Variants in FAM89A observed in about 807,000 individuals in gnomAD.
The protein encoded by FAM89A is family with sequence similarity 89 member A, also known as protein FAM89A.
Under a neutral mutation model 7.1 loss-of-function variants are expected in FAM89A, and 10 were observed. The ratio of observed to expected loss-of-function variants is 1.40; its 90% CI spans 0.86 to 2.38. The LOEUF is 2.38. Ranked by LOEUF, FAM89A falls within the 30% of genes most tolerant of loss-of-function variation. The pLI, the probability that FAM89A is intolerant of heterozygous loss-of-function variation, is 0.00. For missense variants in FAM89A, 276 were observed against 262.8 expected, an observed-to-expected ratio of 1.05 and a Z score of -0.35; for synonymous variants, 157 against 129.3, an observed-to-expected ratio of 1.21 and a Z score of -1.45.
chr1:231,035,907 A>C (rs141471479), intron 1 of FAM89A, among the ~76,000 whole-genome samples: 2 of 152,346 alleles, frequency 1.3e-5, no homozygotes, highest in African/African-American at 4.8e-5. Flanking sequence ...ATTAAAATAC[A>C]ATCTTGTCCT....
rs1372765813 is a variant in FAM89A at position 231,026,901 on chromosome 1, GGAA to G, written c.292-6778_292-6776del. On this transcript the variant is annotated intron_variant, in intron 1 of 1. Transcript: ENST00000366654. Reference sequence around the variant, plus strand: ...CACATAGTATGTGCTCAAAAACCATGGAAGAAGATCATCTGGAATCCTAGATCT... The same window carrying G: ...CACATAGTATGTGCTCAAAAACCATGGAAGATCATCTGGAATCCTAGATCT... 3.3e-5 allele frequency: 5 copies of G among 152,144 alleles called. No homozygotes were observed. The East Asian group carries it at 9.6e-4, about 29-fold the overall frequency. The allele number at this position is 152,144 out of a possible 1,614,324, so 9.4% of individuals were successfully genotyped here.
intron 1 of FAM89A, chr1:231,026,089 AT>A (rs1243441528): frequency 2.0e-5 from 3 of 153,194 alleles, no homozygotes; most frequent in African/African-American, 4.9e-5. Context: ...AAAAAAAAAA[AT>A]CAATAGCCTC....
At chr1:231,030,481 TA>T in intron 1 of FAM89A, among the ~76,000 whole-genome samples, 1 of 152,252 alleles carries the variant, frequency 6.6e-6, no homozygotes, top group Non-Finnish European at 1.5e-5. Context: ...ATCTCTAACC[TA>T]AACTAACATT....
chr1:231,036,953 G>A (rs1342357214), intron 1 of FAM89A, among the ~76,000 whole-genome samples: 1 of 152,232 alleles, frequency 6.6e-6, no homozygotes, highest in South Asian at 2.1e-4. Context: ...CTGCCATACA[G>A]TGGTATACTA....
At chr1:231,024,519 T>TACACACACACACACAC (rs1558254461) in intron 1 of FAM89A, among the ~76,000 whole-genome samples, 13 of 41,610 alleles carry the variant, frequency 3.1e-4, no homozygotes, top group African/African-American at 1.1e-3. Context: ...TTACATTGCA[T>TACACACACACACACAC]GCACACACAC....
At chr1:231,039,377 A>G (rs1319174959) in intron 1 of FAM89A, among the ~76,000 whole-genome samples, 6 of 152,312 alleles carry the variant, frequency 3.9e-5, no homozygotes, top group Admixed American at 3.3e-4. Flanking sequence ...TTTCGCAGCC[A>G]TCTGTGCGCC....
intron 1 of FAM89A, among the ~76,000 whole-genome samples, chr1:231,034,895 C>T (rs1680135711): frequency 6.6e-6 from 1 of 152,120 alleles, no homozygotes; most frequent in Non-Finnish European, 1.5e-5. Context: ...AGCTGGCGGT[C>T]CATCCTTTGG....
chr1:231,039,049 G>T (rs1037375112), intron 1 of FAM89A, among the ~76,000 whole-genome samples: 2 of 152,216 alleles, frequency 1.3e-5, no homozygotes, highest in Non-Finnish European at 2.9e-5. Flanking sequence ...AAAAGTTTTT[G>T]ATTTCTTCTT....
intron 1 of FAM89A, 84 bp from the exon 2 acceptor site, chr1:231,020,210 G>C (rs925350781): frequency 2.9e-6 from 4 of 1,365,522 alleles, no homozygotes. Context: ...GGCGATCTGC[G>C]CCTGCCAGCA....
chr1:231,022,359 C>T (rs1679893995), intron 1 of FAM89A, among the ~76,000 whole-genome samples: 1 of 152,180 alleles, frequency 6.6e-6, no homozygotes, highest in Non-Finnish European at 1.5e-5. Context: ...TGGCGCTGGA[C>T]CCAGGGCCCT....
intron 1 of FAM89A, among the ~76,000 whole-genome samples, chr1:231,033,830 GAGA>G (rs1680114387): frequency 6.6e-6 from 1 of 152,072 alleles, no homozygotes; most frequent in Non-Finnish European, 1.5e-5. Context: ...CAAATCTCGG[GAGA>G]AGAACTCTAA....
intron 1 of FAM89A, among the ~76,000 whole-genome samples, chr1:231,025,379 C>T (rs896343156): frequency 1.3e-5 from 2 of 152,144 alleles, no homozygotes; most frequent in African/African-American, 2.4e-5. Flanking sequence ...GATTTGGGCT[C>T]GCTCATCTAT....
chr1:231,033,809 C>A (rs1680114007), intron 1 of FAM89A, among the ~76,000 whole-genome samples: 1 of 151,982 alleles, frequency 6.6e-6, no homozygotes, highest in Non-Finnish European at 1.5e-5. Context: ...ACTTTTAATC[C>A]TTTATATCTT....
At chr1:231,020,988 C>T (rs770991942) in intron 1 of FAM89A, among the ~76,000 whole-genome samples, 1 of 152,188 alleles carries the variant, frequency 6.6e-6, no homozygotes, top group Non-Finnish European at 1.5e-5. Context: ...CAGCATAGAC[C>T]AGCATCGGTG....
intron 1 of FAM89A, among the ~76,000 whole-genome samples, chr1:231,030,271 T>A (rs1680046485): frequency 6.6e-6 from 1 of 152,212 alleles, no homozygotes; most frequent in Admixed American, 6.5e-5. Flanking sequence ...AGACAGAAGA[T>A]AAACCGGGTT....
In FAM89A at chr1:231,040,040, A is replaced by C; in HGVS notation, c.172T>G (p.Ser58Ala). 6.9e-7 allele frequency: 1 copy of C among 1,444,362 alleles called. No homozygotes were observed. The highest frequency in any genetic ancestry group is 9.1e-7 in the Non-Finnish European group (1 of 1,101,808). The allele number at this position is 1,444,362 out of a possible 1,614,324, so 89.5% of individuals were successfully genotyped here. A position where few individuals can be genotyped will look rare whatever the true frequency, so the allele number is the denominator to read the frequency against. ...RHLERLYAQK[S>A]RIQDELSRGG... is the part of the protein sequence containing the mutation. ...CGGCTCAGCTCGTCCTGGATGCGCG[A>C]CTTCTGCGCGTACAGCCGCTCCAGG... is the stretch of plus-strand genomic sequence containing the variant. Residue 58 changes from serine (S) to alanine (A), a missense_variant, in exon 1 of 2, where the codon TCG becomes GCG. Transcript: ENST00000366654.
At chr1:231,030,965 C>A (rs1422212238) in intron 1 of FAM89A, among the ~76,000 whole-genome samples, 1 of 152,080 alleles carries the variant, frequency 6.6e-6, no homozygotes, top group Non-Finnish European at 1.5e-5. Context: ...TAAAAATCAG[C>A]TGGGTGTGGT....
intron 1 of FAM89A, among the ~76,000 whole-genome samples, chr1:231,023,615 C>T (rs944495504): frequency 3.9e-5 from 6 of 152,200 alleles, no homozygotes; most frequent in East Asian, 1.9e-4. Flanking sequence ...TCACTTTAGA[C>T]GGGGCTGAAG....
At chr1:231,022,361 C>T (rs979957949) in intron 1 of FAM89A, among the ~76,000 whole-genome samples, 1 of 152,214 alleles carries the variant, frequency 6.6e-6, no homozygotes, top group African/African-American at 2.4e-5. Context: ...GCGCTGGACC[C>T]AGGGCCCTCC....
Sources: gnomAD v4.1 joint callset for allele counts (sites outside exome capture counted in the v4.1 genomes callset) on GRCh38, gnomAD v4.1.1 for gene constraint, MANE v1.5 for transcripts, NCBI Gene and HGNC (gene_info 2026-07-23, HGNC 2026-07-21) for gene names.